SOX5: variants seen among roughly 807,000 people sequenced by gnomAD.
SOX5 encodes SRY-box transcription factor 5, also known as transcription factor SOX-5.
SOX5 carries 9 observed loss-of-function variants against 92.0 expected under a neutral mutation model. That is an observed-to-expected ratio of 0.10 (90% CI 0.06 to 0.17). The LOEUF is 0.17. SOX5 is among the 10% of genes least tolerant of loss of function. The pLI is 1.00. For synonymous variants in SOX5, 344 were observed against 336.3 expected, an observed-to-expected ratio of 1.02 and a Z score of -0.25; for missense variants, 642 against 944.5, an observed-to-expected ratio of 0.68 and a Z score of 4.20.
At chr12:24,006,907 G>A (rs1365674583) in intron 4 of SOX5, among the ~76,000 whole-genome samples, 5 of 151,784 alleles carry the variant, frequency 3.3e-5, no homozygotes, top group South Asian at 2.1e-4. Context: ...GCCAAGGCGG[G>A]AGGATCACCT....
chr12:24,083,896 C>T (rs375554051), intron 4 of SOX5, among the ~76,000 whole-genome samples: 9 of 152,040 alleles, frequency 5.9e-5, no homozygotes, highest in African/African-American at 2.2e-4. Flanking sequence ...AGAGTACTTG[C>T]TGGTCCTTAA....
chr12:24,401,519 G>A (rs909198230), intron 1 of SOX5, among the ~76,000 whole-genome samples: 1 of 151,596 alleles, frequency 6.6e-6, no homozygotes, highest in African/African-American at 2.4e-5. Flanking sequence ...AAATCAGCCT[G>A]GGCAACATAG....
At chr12:23,544,408 C>T (rs1323799072) in intron 12 of SOX5, among the ~76,000 whole-genome samples, 1 of 152,142 alleles carries the variant, frequency 6.6e-6, no homozygotes, top group Non-Finnish European at 1.5e-5. Context: ...TTGATAGTAT[C>T]CAAAACTTTA....
At chr12:24,250,151 T>TA (rs1315975808) in intron 3 of SOX5, among the ~76,000 whole-genome samples, 1 of 152,210 alleles carries the variant, frequency 6.6e-6, no homozygotes, top group Non-Finnish European at 1.5e-5. Flanking sequence ...TGAAATACAG[T>TA]AGAAAAGAGT....
At chr12:24,509,110 A>G (rs527384409) in intron 1 of SOX5, among the ~76,000 whole-genome samples, 3 of 152,346 alleles carry the variant, frequency 2.0e-5, no homozygotes, top group South Asian at 2.1e-4. Flanking sequence ...TCAGTAGACA[A>G]TGCCACTATT....
rs556215063 is a variant in SOX5 at position 24,246,295 on chromosome 12, T to A, written c.-77+30921A>T. On this transcript the variant is annotated intron_variant, in intron 3 of 4. Coordinates refer to the SOX5 transcript ENST00000446891. ...TTACAGACACAGATTTTTTTTTTTT[T>A]AAAAGATTGTTGGAAGTAAAAGATT... Among the ~76,000 whole-genome samples, 26 of 149,230 alleles carry A rather than the reference T, an allele frequency of 1.7e-4. 1 individual carries two copies. Among genetic ancestry groups the A allele is most frequent in the South Asian group, 6.3e-4 (3 of 4,762 alleles).
At chr12:24,347,052 T>C (rs1404465691) in intron 2 of SOX5, among the ~76,000 whole-genome samples, 1 of 152,196 alleles carries the variant, frequency 6.6e-6, no homozygotes, top group Non-Finnish European at 1.5e-5. Context: ...GTATACAACC[T>C]GATGTTTGAT....
chr12:23,893,188 C>A (rs2097145519), intron 2 of SOX5, among the ~76,000 whole-genome samples: 1 of 152,168 alleles, frequency 6.6e-6, no homozygotes, highest in Non-Finnish European at 1.5e-5. Context: ...TGGCTCACGC[C>A]TGTAATCCCA....
intron 2 of SOX5, among the ~76,000 whole-genome samples, chr12:23,847,910 T>A (rs551453151): frequency 1.1e-3 from 161 of 152,002 alleles, no homozygotes; most frequent in African/African-American, 3.7e-3. Flanking sequence ...AAAACCTACA[T>A]AAATATACAA....
chr12:24,263,546 AAAAAAAC>A (rs1409388505), intron 3 of SOX5, among the ~76,000 whole-genome samples: 27 of 145,914 alleles, frequency 1.9e-4, no homozygotes, highest in African/African-American at 6.2e-4. Context: ...AAAAACAAAA[AAAAAAAC>A]AAAAACAAGA....
intron 4 of SOX5, among the ~76,000 whole-genome samples, chr12:24,067,564 A>G (rs1940961073): frequency 6.6e-6 from 1 of 152,100 alleles, no homozygotes; most frequent in Non-Finnish European, 1.5e-5. Flanking sequence ...TTAAAGCAAA[A>G]CGAGATTATT....
At chr12:23,926,921 T>C (rs1287836702) in intron 1 of SOX5, among the ~76,000 whole-genome samples, 2 of 152,030 alleles carry the variant, frequency 1.3e-5, no homozygotes, top group Non-Finnish European at 2.9e-5. Context: ...CCATCTGCAT[T>C]GGGTAATAGG....
chr12:24,007,731 GTATATAAATA>G (rs528850584), intron 4 of SOX5, among the ~76,000 whole-genome samples: 1 of 48,804 alleles, frequency 2.0e-5, no homozygotes, highest in Non-Finnish European at 4.5e-5. Context: ...GTATATAAAT[GTATATAAATA>G]TATTTATGTA....
At chr12:23,945,724 T>G (rs1317589404) in intron 1 of SOX5, among the ~76,000 whole-genome samples, 1 of 152,148 alleles carries the variant, frequency 6.6e-6, no homozygotes, top group East Asian at 1.9e-4. Context: ...ACTTACAGGT[T>G]TACAGTTGCC....
intron 4 of SOX5, among the ~76,000 whole-genome samples, chr12:24,016,732 TAGGAC>T: frequency 6.6e-6 from 1 of 152,168 alleles, no homozygotes; most frequent in South Asian, 2.1e-4. Context: ...TTGACTTGCA[TAGGAC>T]TACCAACCTT....
At chr12:24,074,075 T>A (rs1942168468) in intron 4 of SOX5, among the ~76,000 whole-genome samples, 1 of 151,878 alleles carries the variant, frequency 6.6e-6, no homozygotes, top group African/African-American at 2.4e-5. Flanking sequence ...GTACACAAGA[T>A]GTAGAACAAG....
intron 2 of SOX5, among the ~76,000 whole-genome samples, chr12:23,876,914 T>G (rs2096933641): frequency 6.6e-6 from 1 of 152,082 alleles, no homozygotes; most frequent in African/African-American, 2.4e-5. Flanking sequence ...AAACACCTCA[T>G]GTTCTCACTC....
intron 1 of SOX5, among the ~76,000 whole-genome samples, chr12:24,440,248 G>A (rs952586716): frequency 6.6e-6 from 1 of 152,238 alleles, no homozygotes; most frequent in Non-Finnish European, 1.5e-5. Context: ...TGCCACAGAC[G>A]CTGACTGAGG....
chr12:23,996,187 C>T (rs116112595), intron 4 of SOX5, among the ~76,000 whole-genome samples: 2 of 152,118 alleles, frequency 1.3e-5, no homozygotes, highest in African/African-American at 4.8e-5. Context: ...GACCTGAAAT[C>T]TAATCCTTGG....
Sources: allele counts gnomAD v4.1 joint callset (sites outside exome capture counted in the v4.1 genomes callset), GRCh38; gene constraint gnomAD v4.1.1; transcripts MANE v1.5; gene names NCBI Gene and HGNC (gene_info 2026-07-23, HGNC 2026-07-21).